Variants in PCDHA6 observed in about 807,000 individuals in gnomAD.
PCDHA6 encodes protocadherin alpha-6.
A neutral mutation model predicts 60.3 loss-of-function variants in PCDHA6; 55 were observed. The ratio of observed to expected loss-of-function variants is 0.91; its 90% CI spans 0.73 to 1.14. PCDHA6 has a LOEUF of 1.14. Among genes scored for constraint, PCDHA6 ranks in the 50% most tolerant of loss-of-function variants. PCDHA6 has a pLI of 0.00. For synonymous variants in PCDHA6, 652 were observed against 557.9 expected, an observed-to-expected ratio of 1.17 and a Z score of -2.38; for missense variants, 1,327 against 1,256.5, an observed-to-expected ratio of 1.06 and a Z score of -0.85.
At chr5:140,870,053 T>C (rs782629825) in intron 1 of PCDHA6, 4 of 1,613,810 alleles carry the variant, frequency 2.5e-6, no homozygotes, top group Middle Eastern at 1.6e-4. Context: ...TTTTATAAAA[T>C]TGAAGTACAG....
At chr5:140,834,516 G>T (rs2150220231) in intron 1 of PCDHA6, 1 of 1,614,110 alleles carries the variant, frequency 6.2e-7, no homozygotes, top group Non-Finnish European at 8.5e-7. Context: ...TGGCAACTTC[G>T]TGGGCCGCAT....
intron 1 of PCDHA6, among the ~76,000 whole-genome samples, chr5:140,909,036 C>T (rs2074275767): frequency 6.6e-6 from 1 of 152,162 alleles, no homozygotes; most frequent in Non-Finnish European, 1.5e-5. Flanking sequence ...CATTTATTTT[C>T]CATACTCTGG....
At chr5:140,841,821 T>A in intron 1 of PCDHA6, 1 of 1,613,940 alleles carries the variant, frequency 6.2e-7, no homozygotes. Flanking sequence ...GCTAACTCCG[T>A]GTTAACCTAC....
intron 1 of PCDHA6, among the ~76,000 whole-genome samples, chr5:140,948,548 A>G (rs1300192349): frequency 6.6e-6 from 1 of 151,532 alleles, no homozygotes; most frequent in Non-Finnish European, 1.5e-5. Flanking sequence ...TGCTCTGTCA[A>G]TTTTGTTAAG....
intron 1 of PCDHA6, among the ~76,000 whole-genome samples, chr5:140,892,004 T>A (rs562047314): frequency 6.6e-6 from 1 of 152,364 alleles, no homozygotes; most frequent in East Asian, 1.9e-4. Flanking sequence ...TGGCATTCTG[T>A]TATAGCAGCA....
intron 1 of PCDHA6, among the ~76,000 whole-genome samples, chr5:140,937,894 A>G (rs1554211868): frequency 6.6e-6 from 1 of 150,462 alleles, no homozygotes; most frequent in Non-Finnish European, 1.5e-5. Context: ...CCTGGGCGAC[A>G]GAGTGAGACT....
At chr5:140,849,904 C>A in intron 1 of PCDHA6, 1 of 1,598,318 alleles carries the variant, frequency 6.3e-7, no homozygotes, top group Non-Finnish European at 8.6e-7. Context: ...AACAACCCGC[C>A]GGGCTGCCAC....
At chr5:140,901,439 A>G (rs2068668793) in intron 1 of PCDHA6, among the ~76,000 whole-genome samples, 1 of 152,164 alleles carries the variant, frequency 6.6e-6, no homozygotes, top group South Asian at 2.1e-4. Flanking sequence ...ATGGATATCT[A>G]GTTTCCCAGC....
rs556783584 is a variant in PCDHA6 at position 140,882,446 on chromosome 5, G to A, written c.2394+51961G>A. ...CCTGGGGCTGGAGCTGGCGGAGCTG[G>A]TGCCGCGCCTGTTCCGGGTGGCGTC... On this transcript the variant is annotated intron_variant, in intron 1 of 3. Coordinates refer to ENST00000529310, the MANE Select transcript of PCDHA6 (RefSeq NM_018909.4). 1.9e-5 allele frequency: 30 copies of A among 1,614,042 alleles called. No individual in the cohort carries two copies. The highest frequency in any genetic ancestry group is 1.0e-4 in the Admixed American group (6 of 60,036).
In PCDHA6 at chr5:140,857,385, A is replaced by T. The variant is rs1300471931; in HGVS notation, c.2394+26900A>T. On this transcript the variant is annotated intron_variant, in intron 1 of 3. Coordinates refer to ENST00000529310, the MANE Select transcript of PCDHA6 (RefSeq NM_018909.4). ...GCCAGCGTGTCTGTGGAGGTGGCCG[A>T]CGTGAACGACAACGCGCCTGCGTTC... The T allele has an allele frequency of 1.8e-5, 29 of 1,598,230 alleles. 2 individuals carry two copies. Among genetic ancestry groups the T allele is most frequent in the Non-Finnish European group, 2.3e-5 (27 of 1,167,886 alleles).
At chr5:140,917,334 G>GGGGGGGGGGGGGGT in intron 1 of PCDHA6, among the ~76,000 whole-genome samples, 1 of 147,630 alleles carries the variant, frequency 6.8e-6, no homozygotes, top group Non-Finnish European at 1.5e-5. Flanking sequence ...CGGGGGAGGG[G>GGGGGGGGGGGGGGT]GGGGATGGTG....
intron 1 of PCDHA6, among the ~76,000 whole-genome samples, chr5:140,890,087 A>G (rs1284769572): frequency 6.6e-6 from 1 of 152,170 alleles, no homozygotes; most frequent in African/African-American, 2.4e-5. Context: ...TGATAATGCA[A>G]ATTTATTCCC....
intron 1 of PCDHA6, among the ~76,000 whole-genome samples, chr5:140,922,977 G>C (rs935363543): frequency 3.9e-5 from 6 of 152,204 alleles, no homozygotes; most frequent in Non-Finnish European, 5.9e-5. Context: ...GCATATCTCA[G>C]ACAATAGGCA....
At chr5:140,945,569 A>C (rs575302416) in intron 1 of PCDHA6, among the ~76,000 whole-genome samples, 2 of 152,256 alleles carry the variant, frequency 1.3e-5, no homozygotes, top group South Asian at 4.1e-4. Context: ...ACATCATACT[A>C]CCTGGCTTCA....
intron 1 of PCDHA6, chr5:140,967,773 A>C (rs1285230643): frequency 1.9e-6 from 3 of 1,614,108 alleles, no homozygotes; most frequent in Non-Finnish European, 1.7e-6. Context: ...ATCTATGTGC[A>C]GGCGACTGAC....
chr5:140,863,769 C>T (rs1032568276), intron 1 of PCDHA6: 6 of 236,858 alleles, frequency 2.5e-5, no homozygotes, highest in African/African-American at 1.1e-4. Context: ...GAAGCCGAGG[C>T]GGGCGGATCA....
At chr5:140,941,973 C>T (rs1249999637) in intron 1 of PCDHA6, among the ~76,000 whole-genome samples, 4 of 152,068 alleles carry the variant, frequency 2.6e-5, no homozygotes, top group Admixed American at 1.3e-4. Context: ...TTTACTTTCC[C>T]TAAACCTTGA....
intron 1 of PCDHA6, chr5:140,928,422 A>T (rs782264875): frequency 1.2e-6 from 2 of 1,614,136 alleles, no homozygotes; most frequent in Admixed American, 3.3e-5. Context: ...TCACTGCCAA[A>T]ACTTCCTTTG....
Position 140,842,613 on chromosome 5 carries a change from G to T in PCDHA6, c.2394+12128G>T, listed in dbSNP as rs782736515. On this transcript the variant is annotated intron_variant, in intron 1 of 3. Transcript: ENST00000529310. ...TTGGTGGTAACCGCGCGGGACGGGG[G>T]CTCGCCTTCGCTGTGGGCCACCGCC... 3.1e-6 allele frequency: 5 copies of T among 1,595,814 alleles called. 1 individual carries two copies. The highest frequency in any genetic ancestry group is 4.3e-6 in the Non-Finnish European group (5 of 1,165,648).
Sources: gnomAD v4.1 joint callset for allele counts (sites outside exome capture counted in the v4.1 genomes callset) on GRCh38, gnomAD v4.1.1 for gene constraint, MANE v1.5 for transcripts, NCBI Gene and HGNC (gene_info 2026-07-23, HGNC 2026-07-21) for gene names.